Variants in GRIK4 observed in about 807,000 individuals in gnomAD.
GRIK4 encodes glutamate receptor ionotropic, kainate 4.
A neutral mutation model predicts 104.9 loss-of-function variants in GRIK4; 40 were observed. The ratio of observed to expected loss-of-function variants is 0.38; its 90% CI spans 0.30 to 0.50. GRIK4 has a LOEUF of 0.50. GRIK4 is among the 20% of genes least tolerant of loss of function. The pLI, the probability that GRIK4 is intolerant of heterozygous loss-of-function variation, is 0.93. For missense variants in GRIK4, 1,047 were observed against 1,308.1 expected (o/e 0.80, Z 3.08); for synonymous variants, 485 against 524.9 (o/e 0.92, Z 1.04).
chr11:120,540,238 G>A (rs971694579), intron 1 of GRIK4, among the ~76,000 whole-genome samples: 4 of 152,190 alleles, frequency 2.6e-5, no homozygotes, highest in Non-Finnish European at 5.9e-5. Context: ...AAACCACAGA[G>A]CGCAGGGTCT....
In GRIK4 at chr11:120,829,699, A is replaced by G. The variant is rs540548395; in HGVS notation, c.512-2153A>G. The stretch of plus-strand genomic sequence containing the variant: ...TCCCGGCAGCCTTTCTCATACGATC[A>G]CAGTGAGTTCTCATCCTCCTTTGCC... On this transcript the variant is annotated intron_variant, in intron 6 of 20. Transcript: ENST00000527524. Among the ~76,000 whole-genome samples, 20 of 152,304 alleles carry G rather than the reference A, an allele frequency of 1.3e-4. No individual in the cohort carries two copies. The South Asian group carries it at 1.7e-3, about 13-fold the overall frequency.
chr11:120,866,073 T>G (rs1954399968), intron 9 of GRIK4, among the ~76,000 whole-genome samples: 1 of 152,220 alleles, frequency 6.6e-6, no homozygotes, highest in African/African-American at 2.4e-5. Context: ...AAGCCATTTG[T>G]GAAGCATCCA....
intron 13 of GRIK4, among the ~76,000 whole-genome samples, chr11:120,921,907 C>T (rs1943236401): frequency 6.6e-6 from 1 of 152,190 alleles, no homozygotes; most frequent in African/African-American, 2.4e-5. Context: ...GTCCAACTGT[C>T]TTTAGGATAA....
At chr11:120,805,010 T>G (rs1366205136) in intron 4 of GRIK4, among the ~76,000 whole-genome samples, 4 of 152,236 alleles carry the variant, frequency 2.6e-5, no homozygotes, top group Non-Finnish European at 5.9e-5. Context: ...CCTCATTTAT[T>G]CATTCGGTCA....
intron 1 of GRIK4, chr11:120,620,265 A>G (rs1372620923): frequency 2.7e-6 from 2 of 742,982 alleles, no homozygotes; most frequent in Non-Finnish European, 5.0e-6. Flanking sequence ...TCTCCTCGCC[A>G]TCCATTTTGT....
intron 1 of GRIK4, among the ~76,000 whole-genome samples, chr11:120,636,279 C>T (rs1007569651): frequency 6.6e-6 from 1 of 152,278 alleles, no homozygotes; most frequent in Admixed American, 6.5e-5. Context: ...TCCTGGGAAC[C>T]GTCTTCTGAC....
intron 1 of GRIK4, among the ~76,000 whole-genome samples, chr11:120,621,442 C>G (rs912692247): frequency 2.0e-5 from 3 of 152,148 alleles, no homozygotes; most frequent in African/African-American, 7.2e-5. Flanking sequence ...AACAGAAACC[C>G]CCTCCCAGCT....
intron 15 of GRIK4, among the ~76,000 whole-genome samples, chr11:120,954,147 G>A (rs1944077734): frequency 6.6e-6 from 1 of 152,082 alleles, no homozygotes; most frequent in South Asian, 2.1e-4. Context: ...CCTAACCCCT[G>A]AGGGCACTTC....
intron 6 of GRIK4, among the ~76,000 whole-genome samples, chr11:120,831,305 G>A (rs992507448): frequency 6.6e-6 from 1 of 152,242 alleles, no homozygotes; most frequent in Non-Finnish European, 1.5e-5. Flanking sequence ...TGTAACATTT[G>A]TGAGGGTTTA....
chr11:120,918,015 ATG>A (rs796263755), intron 13 of GRIK4, among the ~76,000 whole-genome samples: 11 of 152,312 alleles, frequency 7.2e-5, no homozygotes, highest in African/African-American at 2.2e-4. Context: ...GCTACAGACA[ATG>A]TGATCTTAAT....
chr11:120,637,085 T>G lies in GRIK4; in HGVS notation c.-158-16600T>G, dbSNP rs76706067. 7.4e-3 allele frequency among the ~76,000 whole-genome samples: 1,095 copies of G among 147,110 alleles called. 26 individuals are homozygous for G. Among genetic ancestry groups the G allele is most frequent in the East Asian group, 0.069 (347 of 4,996 alleles). ...GATGGCCAGCAGGAGGGAAGAGTCG[T>G]GAAGAATAGAAGAGAAGATGCAGGA... On this transcript the variant is annotated intron_variant, in intron 1 of 20. Coordinates refer to ENST00000527524, the MANE Select transcript of GRIK4 (RefSeq NM_014619.5).
At chr11:120,537,250 T>A (rs555306756) in intron 1 of GRIK4, among the ~76,000 whole-genome samples, 2 of 152,140 alleles carry the variant, frequency 1.3e-5, no homozygotes, top group Admixed American at 1.3e-4. Context: ...TCTTCCATGG[T>A]TGCATCGTCC....
chr11:120,786,653 A>G (rs1049206125), intron 3 of GRIK4, among the ~76,000 whole-genome samples: 1 of 152,206 alleles, frequency 6.6e-6, no homozygotes, highest in Non-Finnish European at 1.5e-5. Context: ...GGGTCCAAAC[A>G]GAAATGCATG....
At chr11:120,774,757 CAG>C (rs1165719466) in intron 3 of GRIK4, among the ~76,000 whole-genome samples, 1 of 152,152 alleles carries the variant, frequency 6.6e-6, no homozygotes, top group Non-Finnish European at 1.5e-5. Flanking sequence ...GGAAAGATAT[CAG>C]GGTGGCTGGG....
intron 3 of GRIK4, among the ~76,000 whole-genome samples, chr11:120,692,187 C>T (rs955197479): frequency 2.0e-5 from 3 of 152,230 alleles, no homozygotes; most frequent in African/African-American, 7.2e-5. Context: ...AGGAAGACAT[C>T]TGTCTCTGGG....
chr11:120,913,751 G>T (rs1943047523), intron 13 of GRIK4, among the ~76,000 whole-genome samples: 1 of 151,126 alleles, frequency 6.6e-6, no homozygotes, highest in African/African-American at 2.4e-5. Flanking sequence ...TCTCCTGGGT[G>T]CCCAGGAGAA....
At chr11:120,789,553 C>T (rs1237308713) in intron 3 of GRIK4, among the ~76,000 whole-genome samples, 1 of 152,152 alleles carries the variant, frequency 6.6e-6, no homozygotes, top group African/African-American at 2.4e-5. Flanking sequence ...GTTCTCACTC[C>T]AGTGTATCTA....
At chr11:120,981,716 G>A (rs1275820544) in intron 19 of GRIK4, among the ~76,000 whole-genome samples, 5 of 152,166 alleles carry the variant, frequency 3.3e-5, no homozygotes, top group African/African-American at 1.2e-4. Flanking sequence ...TAGGAAGATT[G>A]AGTAAAACTT....
chr11:120,641,225 T>C (rs921147242), intron 1 of GRIK4, among the ~76,000 whole-genome samples: 3 of 152,262 alleles, frequency 2.0e-5, no homozygotes, highest in African/African-American at 7.2e-5. Context: ...AATCTGAAAT[T>C]TGAATCTGTG....
Sources: gnomAD v4.1 joint callset for allele counts (sites outside exome capture counted in the v4.1 genomes callset) on GRCh38, gnomAD v4.1.1 for gene constraint, MANE v1.5 for transcripts, NCBI Gene and HGNC (gene_info 2026-07-23, HGNC 2026-07-21) for gene names.